KANSL1: variants seen among roughly 807,000 people sequenced by gnomAD.
KANSL1 encodes MLL1/MLL complex subunit KANSL1.
A neutral mutation model predicts 103.6 loss-of-function variants in KANSL1; 22 were observed. That is an observed-to-expected ratio of 0.21 (90% CI 0.15 to 0.30). KANSL1 has a LOEUF of 0.30. Ranked by LOEUF, KANSL1 falls within the 10% of genes least tolerant of loss-of-function variation. The pLI, the probability that KANSL1 is intolerant of heterozygous loss-of-function variation, is 1.00. For synonymous variants in KANSL1, 600 were observed against 527.6 expected, an observed-to-expected ratio of 1.14 and a Z score of -1.88; for missense variants, 1,337 against 1,399.8, an observed-to-expected ratio of 0.96 and a Z score of 0.72.
At chr17:46,155,155 A>ATTTTTTTTTTTTTTTTTTTTTTTT (rs33974360) in intron 2 of KANSL1, among the ~76,000 whole-genome samples, 2 of 103,854 alleles carry the variant, frequency 1.9e-5, no homozygotes, top group Non-Finnish European at 3.6e-5. Flanking sequence ...TCAGCCAGGG[A>ATTTTTTTTTTTTTTTTTTTTTTTT]TTTTTTTTTT....
chr17:46,149,839 C>A (rs1327159124), intron 2 of KANSL1, among the ~76,000 whole-genome samples: 3 of 151,348 alleles, frequency 2.0e-5, no homozygotes, highest in Non-Finnish European at 4.4e-5. Context: ...ATGATGAAAC[C>A]CCGTCTCTAC....
intron 1 of KANSL1, among the ~76,000 whole-genome samples, chr17:46,202,369 T>C (rs1280835685): frequency 6.6e-6 from 1 of 152,200 alleles, no homozygotes; most frequent in Non-Finnish European, 1.5e-5. Flanking sequence ...ATAAGGGATA[T>C]TCAATGTATA....
At chr17:46,159,525 G>A (rs890343730) in intron 2 of KANSL1, among the ~76,000 whole-genome samples, 1 of 152,206 alleles carries the variant, frequency 6.6e-6, no homozygotes, top group South Asian at 2.1e-4. Flanking sequence ...CTAAGTAGAT[G>A]AAAACCAATC....
intron 2 of KANSL1, among the ~76,000 whole-genome samples, chr17:46,118,397 T>C (rs1181803859): frequency 2.0e-5 from 3 of 152,218 alleles, no homozygotes; most frequent in African/African-American, 7.2e-5. Context: ...TTCAAAATCA[T>C]CCCTAATCTG....
chr17:46,082,112 G>A (rs921011285), intron 4 of KANSL1, among the ~76,000 whole-genome samples: 3 of 151,972 alleles, frequency 2.0e-5, no homozygotes, highest in Non-Finnish European at 4.4e-5. Flanking sequence ...TATTAGAGTG[G>A]CCCAGAAAGG....
chr17:46,089,499 C>T (rs2079297073), intron 3 of KANSL1, among the ~76,000 whole-genome samples: 1 of 151,440 alleles, frequency 6.6e-6, no homozygotes, highest in African/African-American at 2.4e-5. Flanking sequence ...TCCAATCTCC[C>T]ACCCGAAGAC....
chr17:46,159,473 C>T (rs2045618178), intron 2 of KANSL1, among the ~76,000 whole-genome samples: 1 of 152,212 alleles, frequency 6.6e-6, no homozygotes. Context: ...AAATGTTAAT[C>T]ACAAACCACC....
At chr17:46,102,476 C>T (rs1319595544) in intron 2 of KANSL1, among the ~76,000 whole-genome samples, 3 of 152,114 alleles carry the variant, frequency 2.0e-5, no homozygotes, top group South Asian at 4.1e-4. Context: ...TCTCGAACTC[C>T]TGACCTCAAA....
chr17:46,184,272 T>C (rs2046920351), intron 1 of KANSL1, among the ~76,000 whole-genome samples: 1 of 152,092 alleles, frequency 6.6e-6, no homozygotes, highest in Non-Finnish European at 1.5e-5. Context: ...AGGGTGAGGG[T>C]TGGCAACACA....
chr17:46,186,218 C>CAAAAAA (rs150341818), intron 1 of KANSL1, among the ~76,000 whole-genome samples: 1 of 135,910 alleles, frequency 7.4e-6, no homozygotes, highest in Non-Finnish European at 1.6e-5. Context: ...TACTAAAATG[C>CAAAAAA]AAAAAAAAAA....
intron 4 of KANSL1, among the ~76,000 whole-genome samples, chr17:46,073,520 C>G (rs539841637): frequency 6.6e-6 from 1 of 151,826 alleles, no homozygotes; most frequent in Non-Finnish European, 1.5e-5. Context: ...GAAAGATAAG[C>G]CAAAACGTAC....
At chr17:46,123,734 C>A (rs1460250397) in intron 2 of KANSL1, among the ~76,000 whole-genome samples, 2 of 152,178 alleles carry the variant, frequency 1.3e-5, no homozygotes, top group African/African-American at 4.8e-5. Flanking sequence ...CTGAAGATGA[C>A]GGAGGCTGCT....
At chr17:46,175,405 A>G (rs530942942) in intron 1 of KANSL1, among the ~76,000 whole-genome samples, 1 of 149,796 alleles carries the variant, frequency 6.7e-6, no homozygotes, top group African/African-American at 2.5e-5. Flanking sequence ...GCTGGAGTGC[A>G]GTGGCGTGAT....
chr17:46,063,481 C>G (rs1005820849), intron 6 of KANSL1, among the ~76,000 whole-genome samples: 2 of 152,150 alleles, frequency 1.3e-5, no homozygotes, highest in Non-Finnish European at 2.9e-5. Flanking sequence ...CAGAAAGCAA[C>G]CTAGACAGAA....
chr17:46,094,569 A>C lies in KANSL1; in HGVS notation c.1422T>G (p.Arg474=). 6.2e-7 allele frequency: 1 copy of C among 1,612,872 alleles called. No individual in the cohort carries two copies. Among genetic ancestry groups the C allele is most frequent in the Non-Finnish European group, 8.5e-7 (1 of 1,179,938 alleles). Residue 474 remains arginine, a synonymous_variant, in exon 3 of 15, where the codon CGT becomes CGG. Coordinates refer to ENST00000432791, the MANE Select transcript of KANSL1 (RefSeq NM_015443.4). ...GATACTTATCCCTTACCTTATTAGC[A>C]CGTATCTGTTTGTAAATGTCTGTTT... The part of the protein sequence containing the change: ...RQQTDIYKQI[R]ANKGLIVLGE...
intron 2 of KANSL1, among the ~76,000 whole-genome samples, chr17:46,161,552 T>A (rs143883750): frequency 0.011 from 1,658 of 152,290 alleles, 11 homozygotes; most frequent in Non-Finnish European, 0.017. Context: ...CCACCCTGTT[T>A]CTTCCCAGGA....
chr17:46,184,767 C>A (rs1280378785), intron 1 of KANSL1, among the ~76,000 whole-genome samples: 1 of 152,124 alleles, frequency 6.6e-6, no homozygotes, highest in Non-Finnish European at 1.5e-5. Flanking sequence ...CCCATGACAC[C>A]CTGGCTATTG....
At chr17:46,059,647 A>AAAGAG (rs541946204) in intron 6 of KANSL1, among the ~76,000 whole-genome samples, 14 of 54,868 alleles carry the variant, frequency 2.6e-4, no homozygotes, top group African/African-American at 9.4e-4. Flanking sequence ...AAAAAAAAAA[A>AAAGAG]AGAGAGAGAG....
At chr17:46,127,352 T>G (rs1358985460) in intron 2 of KANSL1, among the ~76,000 whole-genome samples, 6 of 152,226 alleles carry the variant, frequency 3.9e-5, no homozygotes, top group Non-Finnish European at 2.9e-5. Context: ...AAAACCTACA[T>G]TCATCATCTT....
Sources: gnomAD v4.1 joint callset for allele counts (sites outside exome capture counted in the v4.1 genomes callset) on GRCh38, gnomAD v4.1.1 for gene constraint, MANE v1.5 for transcripts, NCBI Gene and HGNC (gene_info 2026-07-23, HGNC 2026-07-21) for gene names.